The following CAPS2 variants were observed in gnomAD, a reference collection of about 807,000 sequenced individuals.
The protein encoded by CAPS2 is calcyphosine 2.
CAPS2 carries 98 observed loss-of-function variants against 86.5 expected under a neutral mutation model. The observed-to-expected ratio is 1.13, with a 90% CI of 0.96 to 1.34. CAPS2 has a LOEUF of 1.34. CAPS2 is among the 40% of genes most tolerant of loss of function. CAPS2 has a pLI of 0.00. For missense variants in CAPS2, 729 were observed against 686.8 expected, an observed-to-expected ratio of 1.06 and a Z score of -0.69; for synonymous variants, 210 against 225.1, an observed-to-expected ratio of 0.93 and a Z score of 0.60.
intron 1 of CAPS2, among the ~76,000 whole-genome samples, chr12:75,384,692 A>C (rs1381846694): frequency 6.6e-6 from 1 of 152,220 alleles, no homozygotes; most frequent in African/African-American, 2.4e-5. Context: ...CTGCAAAAAC[A>C]TTACAAGAAA....
At chr12:75,324,329 G>C (rs957131362) in intron 2 of CAPS2, among the ~76,000 whole-genome samples, 4 of 152,196 alleles carry the variant, frequency 2.6e-5, no homozygotes, top group African/African-American at 9.7e-5. Context: ...ACGAGAGAGA[G>C]ACTATGTATT....
At chr12:75,358,027 C>T (rs2043268665) in intron 1 of CAPS2, among the ~76,000 whole-genome samples, 1 of 146,964 alleles carries the variant, frequency 6.8e-6, no homozygotes, top group Non-Finnish European at 1.5e-5. Flanking sequence ...AAATAACAAA[C>T]AGAAAAACAG....
At chr12:75,334,847 C>T (rs758033919), upstream of CAPS2, 36 of 1,613,988 alleles carry the variant, frequency 2.2e-5, no homozygotes, top group South Asian at 2.4e-4. Flanking sequence ...TGCATAGAAG[C>T]CCACAACGAA....
chr12:75,331,176 T>C (rs1473896183), upstream of CAPS2, among the ~76,000 whole-genome samples: 1 of 152,196 alleles, frequency 6.6e-6, no homozygotes, highest in Non-Finnish European at 1.5e-5. Context: ...ATTCCAAGGA[T>C]CCACTCCACT....
intron 1 of CAPS2, among the ~76,000 whole-genome samples, chr12:75,367,214 T>C (rs149990278): frequency 6.6e-6 from 1 of 150,778 alleles, no homozygotes; most frequent in Non-Finnish European, 1.5e-5. Flanking sequence ...AGAAGATCCT[T>C]TAGAATGTAC....
At chr12:75,380,315 C>T (rs1593930226) in intron 1 of CAPS2, among the ~76,000 whole-genome samples, 1 of 152,086 alleles carries the variant, frequency 6.6e-6, no homozygotes, top group African/African-American at 2.4e-5. Flanking sequence ...ATTAAATTTA[C>T]CTGTGATCAC....
At chr12:75,302,413 G>A (rs1458194998) in intron 8 of CAPS2, among the ~76,000 whole-genome samples, 6 of 152,200 alleles carry the variant, frequency 3.9e-5, no homozygotes, top group Non-Finnish European at 1.5e-5. Flanking sequence ...TCATAACCAT[G>A]CATATAACAA....
At chr12:75,295,009 G>A (rs533305941) in intron 11 of CAPS2, 1 of 152,366 alleles carries the variant, frequency 6.6e-6, no homozygotes, top group East Asian at 1.9e-4. Flanking sequence ...GGGCCTGGAA[G>A]ACCAGACAGT....
intron 7 of CAPS2, among the ~76,000 whole-genome samples, chr12:75,311,700 G>GAAA (rs1306107054): frequency 0.014 from 92 of 6,702 alleles, 10 homozygotes; most frequent in Non-Finnish European, 0.027. Context: ...AGCCATGCAG[G>GAAA]AAAAAAAAAA....
chr12:75,286,321 GTAGT>G (rs896033311), intron 14 of CAPS2, among the ~76,000 whole-genome samples: 2 of 151,896 alleles, frequency 1.3e-5, no homozygotes, highest in Non-Finnish European at 2.9e-5. Context: ...AAGTGTCTGT[GTAGT>G]TAAACTGAAG....
chr12:75,315,686 G>A (rs1410951832), intron 6 of CAPS2, among the ~76,000 whole-genome samples: 1 of 152,074 alleles, frequency 6.6e-6, no homozygotes, highest in East Asian at 1.9e-4. Context: ...CACCACACTG[G>A]CATTCCAACA....
At chr12:75,375,089 G>C (rs11520223) in intron 1 of CAPS2, among the ~76,000 whole-genome samples, 1 of 151,928 alleles carries the variant, frequency 6.6e-6, no homozygotes, top group East Asian at 1.9e-4. Flanking sequence ...CTAGGTAGAG[G>C]CATCTCTAAT....
intron 7 of CAPS2, chr12:75,305,862 T>A (rs2038413754): frequency 1.3e-6 from 1 of 760,876 alleles, no homozygotes; most frequent in Non-Finnish European, 2.4e-6. Context: ...GTGTTCGGGA[T>A]GCACCGCAGA....
chr12:75,284,296 T>C (rs2034495096), intron 15 of CAPS2, among the ~76,000 whole-genome samples: 1 of 152,170 alleles, frequency 6.6e-6, no homozygotes, highest in South Asian at 2.1e-4. Context: ...ATTTACATTA[T>C]ATAGAATAGC....
At chr12:75,352,923 A>C (rs1353845381) in intron 1 of CAPS2, among the ~76,000 whole-genome samples, 1 of 152,254 alleles carries the variant, frequency 6.6e-6, no homozygotes, top group Non-Finnish European at 1.5e-5. Context: ...TTAAGGCAGA[A>C]ATCAAGAAGT....
chr12:75,317,296 T>C (rs2039870505), intron 5 of CAPS2, among the ~76,000 whole-genome samples: 1 of 152,180 alleles, frequency 6.6e-6, no homozygotes. Flanking sequence ...CTCGCTTAGG[T>C]ATTTAAAAAT....
chr12:75,288,854 A>T (rs1012370739), intron 14 of CAPS2, among the ~76,000 whole-genome samples: 6 of 151,984 alleles, frequency 3.9e-5, no homozygotes, highest in Non-Finnish European at 8.8e-5. Flanking sequence ...ACTGGCAGGC[A>T]GAGTCAGAAA....
At chr12:75,277,769 TTTATG>T (rs2033183792) in exon 17 of CAPS2, 4 of 815,060 alleles carry the variant, frequency 4.9e-6, no homozygotes, top group Non-Finnish European at 5.9e-6. Context: ...TTTTTTCTAA[TTTATG>T]TTATATTAAC....
intron 12 of CAPS2, among the ~76,000 whole-genome samples, 184 bp downstream of exon 12, chr12:75,293,065 C>G (rs2036277046): frequency 6.6e-6 from 1 of 151,830 alleles, no homozygotes; most frequent in Non-Finnish European, 1.5e-5. Context: ...ATAACTGTTC[C>G]CACACATGAA....
Sources: allele counts gnomAD v4.1 joint callset (sites outside exome capture counted in the v4.1 genomes callset), GRCh38; gene constraint gnomAD v4.1.1; transcripts MANE v1.5; gene names NCBI Gene and HGNC (gene_info 2026-07-23, HGNC 2026-07-21).